SGCZ: variants seen among roughly 807,000 people sequenced by gnomAD.
SGCZ encodes the protein zeta-sarcoglycan.
Under a neutral mutation model 41.3 loss-of-function variants are expected in SGCZ, and 40 were observed. That is an observed-to-expected ratio of 0.97 (90% CI 0.75 to 1.26). The LOEUF (loss-of-function observed/expected upper bound fraction) is 1.26, where lower values mean the gene tolerates loss of function less well. SGCZ is among the 50% of genes most tolerant of loss of function. The pLI is 0.00. For missense variants in SGCZ, 552 were observed against 369.8 expected, an observed-to-expected ratio of 1.49 and a Z score of -4.04; for synonymous variants, 206 against 137.5, an observed-to-expected ratio of 1.50 and a Z score of -3.49.
At position 14,706,845 on chromosome 8, in the gene SGCZ, G is replaced by A. The variant is rs565614555; in HGVS notation, c.40-151919C>T. On this transcript the variant is annotated intron_variant, in intron 1 of 7. Transcript: ENST00000382080. ...CATGTGCTTATCAGAACCAGCTGAC[G>A]GTTAGTTTGATTCAAATCTCTTCCT... Among the ~76,000 whole-genome samples, 92 of 151,964 alleles carry A rather than the reference G, an allele frequency of 6.1e-4. 1 individual carries two copies. The highest frequency in any genetic ancestry group is 1.3e-3 in the Admixed American group (20 of 15,240).
intron 4 of SGCZ, among the ~76,000 whole-genome samples, chr8:14,191,604 A>T (rs1393046892): frequency 6.6e-6 from 1 of 152,176 alleles, no homozygotes; most frequent in African/African-American, 2.4e-5. Flanking sequence ...GTAAAACTCA[A>T]ACACACCTGG....
At chr8:15,114,893 T>C (rs17574959) in intron 1 of SGCZ, among the ~76,000 whole-genome samples, 25,456 of 151,944 alleles carry the variant, frequency 0.17, 2,323 homozygotes, top group Non-Finnish European at 0.21. Flanking sequence ...TCATTCTCAA[T>C]AAACCTCTGA....
At chr8:14,577,301 T>G (rs573751947) in intron 1 of SGCZ, among the ~76,000 whole-genome samples, 2 of 152,070 alleles carry the variant, frequency 1.3e-5, no homozygotes, top group African/African-American at 4.8e-5. Flanking sequence ...TCAATTTTTA[T>G]CTGATCTGAC....
At chr8:14,289,363 T>G (rs1254021585) in intron 3 of SGCZ, among the ~76,000 whole-genome samples, 2 of 152,120 alleles carry the variant, frequency 1.3e-5, no homozygotes, top group Non-Finnish European at 2.9e-5. Context: ...AGTTATGAAT[T>G]AATACCCCTA....
intron 1 of SGCZ, among the ~76,000 whole-genome samples, chr8:15,029,212 C>A (rs1170257988): frequency 6.6e-6 from 1 of 151,908 alleles, no homozygotes; most frequent in Non-Finnish European, 1.5e-5. Flanking sequence ...GCTTTGGTAC[C>A]CTACTTTAAT....
intron 2 of SGCZ, among the ~76,000 whole-genome samples, chr8:14,353,544 C>T (rs928734590): frequency 1.3e-5 from 2 of 152,160 alleles, no homozygotes; most frequent in Non-Finnish European, 2.9e-5. Context: ...AATCATTCTG[C>T]GAATGGATAG....
At chr8:15,170,200 G>C (rs1799786690) in intron 1 of SGCZ, among the ~76,000 whole-genome samples, 1 of 152,128 alleles carries the variant, frequency 6.6e-6, no homozygotes, top group South Asian at 2.1e-4. Flanking sequence ...GACACACCTT[G>C]TCTGTGCCTG....
intron 1 of SGCZ, among the ~76,000 whole-genome samples, chr8:14,865,110 A>C (rs1321264264): frequency 3.3e-5 from 5 of 152,122 alleles, no homozygotes; most frequent in Non-Finnish European, 2.9e-5. Context: ...AAAAATGTGC[A>C]ATAGTTCCTG....
chr8:14,796,051 C>T (rs1223184826), intron 1 of SGCZ, among the ~76,000 whole-genome samples: 1 of 152,158 alleles, frequency 6.6e-6, no homozygotes, highest in Non-Finnish European at 1.5e-5. Flanking sequence ...GTATGTACCA[C>T]ATTTTCTTTA....
intron 3 of SGCZ, among the ~76,000 whole-genome samples, chr8:14,276,760 T>C (rs1177239573): frequency 6.6e-6 from 1 of 152,156 alleles, no homozygotes; most frequent in Non-Finnish European, 1.5e-5. Context: ...TCTGTTTAAC[T>C]GGGGCAGGAA....
chr8:14,495,133 G>A (rs577799704), intron 2 of SGCZ, among the ~76,000 whole-genome samples: 19 of 152,226 alleles, frequency 1.2e-4, no homozygotes, highest in South Asian at 8.3e-4. Context: ...AGTACCAAGC[G>A]CTTGTAGAGT....
At chr8:15,097,580 T>A (rs1209245881) in intron 1 of SGCZ, among the ~76,000 whole-genome samples, 1 of 151,236 alleles carries the variant, frequency 6.6e-6, no homozygotes, top group Non-Finnish European at 1.5e-5. Context: ...TGAAACCCCA[T>A]CTCTACAAAA....
intron 3 of SGCZ, among the ~76,000 whole-genome samples, chr8:14,271,553 A>C (rs1800059413): frequency 6.6e-6 from 1 of 152,196 alleles, no homozygotes; most frequent in African/African-American, 2.4e-5. Context: ...ATTTTGACTT[A>C]GGTATTGGAA....
intron 1 of SGCZ, among the ~76,000 whole-genome samples, chr8:14,776,110 A>G (rs1488283222): frequency 1.3e-5 from 2 of 152,218 alleles, no homozygotes; most frequent in Admixed American, 6.5e-5. Flanking sequence ...TGAACTCTTA[A>G]TTCTTATTTT....
At chr8:14,994,088 G>A (rs1479561450) in intron 1 of SGCZ, among the ~76,000 whole-genome samples, 1 of 152,132 alleles carries the variant, frequency 6.6e-6, no homozygotes, top group Admixed American at 6.5e-5. Flanking sequence ...TATTTTAAAT[G>A]CAAAGCTCAT....
intron 1 of SGCZ, among the ~76,000 whole-genome samples, chr8:15,005,269 C>A (rs1438884174): frequency 6.6e-6 from 1 of 151,922 alleles, no homozygotes; most frequent in Non-Finnish European, 1.5e-5. Context: ...GGTTTCAAAC[C>A]CACATCGTCT....
intron 1 of SGCZ, among the ~76,000 whole-genome samples, chr8:15,189,799 C>T (rs537334840): frequency 6.6e-6 from 1 of 152,254 alleles, no homozygotes; most frequent in East Asian, 1.9e-4. Context: ...AATCTGACTG[C>T]CTTCGTTTCC....
intron 2 of SGCZ, among the ~76,000 whole-genome samples, chr8:14,393,320 G>A (rs1205126177): frequency 1.3e-5 from 2 of 151,468 alleles, no homozygotes; most frequent in Non-Finnish European, 2.9e-5. Context: ...TAGACAAGCA[G>A]GCTGGGAGCT....
At chr8:14,300,815 G>A (rs1286431768) in intron 3 of SGCZ, among the ~76,000 whole-genome samples, 1 of 151,802 alleles carries the variant, frequency 6.6e-6, no homozygotes, top group Admixed American at 6.6e-5. Flanking sequence ...TTTCTAATCA[G>A]GCTATTTGTT....
Sources: allele counts gnomAD v4.1 joint callset (sites outside exome capture counted in the v4.1 genomes callset), GRCh38; gene constraint gnomAD v4.1.1; transcripts MANE v1.5; gene names NCBI Gene and HGNC (gene_info 2026-07-23, HGNC 2026-07-21).